PDE3A: variants seen among roughly 807,000 people sequenced by gnomAD.
PDE3A encodes cGMP-inhibited 3',5'-cyclic phosphodiesterase 3A.
Under a neutral mutation model 98.3 loss-of-function variants are expected in PDE3A, and 43 were observed. That is an observed-to-expected ratio of 0.44 (90% CI 0.34 to 0.56). The LOEUF is 0.56. Ranked by LOEUF, PDE3A falls within the 20% of genes least tolerant of loss-of-function variation. The pLI is 0.01. For missense variants in PDE3A, 1,427 were observed against 1,440.7 expected, an observed-to-expected ratio of 0.99 and a Z score of 0.15; for synonymous variants, 663 against 567.9, an observed-to-expected ratio of 1.17 and a Z score of -2.38.
chr12:20,533,832 G>A (rs1941683329), intron 1 of PDE3A, among the ~76,000 whole-genome samples: 1 of 151,990 alleles, frequency 6.6e-6, no homozygotes, highest in South Asian at 2.1e-4. Flanking sequence ...TCTGAACAAA[G>A]TAGTGACTAT....
intron 2 of PDE3A, among the ~76,000 whole-genome samples, chr12:20,568,984 C>A (rs1942728911): frequency 6.6e-6 from 1 of 151,846 alleles, no homozygotes; most frequent in Non-Finnish European, 1.5e-5. Flanking sequence ...TATTTTAATA[C>A]CACCTGGAAA....
At chr12:20,595,415 A>G (rs1943441460) in intron 2 of PDE3A, among the ~76,000 whole-genome samples, 1 of 152,156 alleles carries the variant, frequency 6.6e-6, no homozygotes, top group African/African-American at 2.4e-5. Context: ...ACAGAGAGTC[A>G]ATCATGATAG....
At chr12:20,672,997 T>G (rs1037494572) in intron 15 of PDE3A, among the ~76,000 whole-genome samples, 2 of 151,056 alleles carry the variant, frequency 1.3e-5, no homozygotes, top group Non-Finnish European at 3.0e-5. Flanking sequence ...TCATACAAAT[T>G]TACAAGAAAA....
intron 1 of PDE3A, among the ~76,000 whole-genome samples, chr12:20,518,043 A>G (rs1293101930): frequency 6.6e-6 from 1 of 152,198 alleles, no homozygotes; most frequent in Non-Finnish European, 1.5e-5. Context: ...CTCCTTGGCA[A>G]CAGCTATTCT....
intron 2 of PDE3A, among the ~76,000 whole-genome samples, chr12:20,570,974 A>G (rs1942790042): frequency 6.6e-6 from 1 of 152,172 alleles, no homozygotes; most frequent in South Asian, 2.1e-4. Context: ...AGTGTTTTAG[A>G]TGAAACTAGA....
intron 1 of PDE3A, among the ~76,000 whole-genome samples, chr12:20,399,664 A>T (rs1944083835): frequency 6.6e-6 from 1 of 152,220 alleles, no homozygotes; most frequent in Non-Finnish European, 1.5e-5. Flanking sequence ...AAATAACAAA[A>T]ATGTGGGCAT....
In PDE3A at chr12:20,514,614, C is replaced by A. The variant is rs371691493; in HGVS notation, c.961-42046C>A. Among the ~76,000 whole-genome samples the A allele has an allele frequency of 3.7e-4, 57 of 152,246 alleles. No individual in the cohort carries two copies. In the East Asian group the frequency reaches 9.6e-3, roughly 26 times the overall value. ...TTTAAACTTTCTGATTCTTAATTCC[C>A]AGGTCTATAATTGTTATACTTTAGC... On this transcript the variant is annotated intron_variant, in intron 1 of 15. Transcript: ENST00000359062.
intron 1 of PDE3A, among the ~76,000 whole-genome samples, chr12:20,467,216 G>T (rs1393827818): frequency 6.6e-6 from 1 of 151,900 alleles, no homozygotes; most frequent in Non-Finnish European, 1.5e-5. Context: ...TTGAGGAGAG[G>T]CAGATAGACT....
intron 1 of PDE3A, among the ~76,000 whole-genome samples, chr12:20,509,189 C>G (rs1946172640): frequency 1.3e-5 from 2 of 152,184 alleles, no homozygotes; most frequent in East Asian, 3.9e-4. Context: ...CTGCTTCTAT[C>G]CAGTAGGGCC....
chr12:20,598,327 C>T (rs1446287183), intron 2 of PDE3A, among the ~76,000 whole-genome samples: 1 of 151,966 alleles, frequency 6.6e-6, no homozygotes, highest in Non-Finnish European at 1.5e-5. Context: ...GGATTACAGG[C>T]TCCCACCACC....
chr12:20,447,451 A>C (rs755534018), intron 1 of PDE3A, among the ~76,000 whole-genome samples: 2 of 152,176 alleles, frequency 1.3e-5, no homozygotes, highest in East Asian at 3.9e-4. Context: ...CAACCTCTGC[A>C]GGGCTGAAGG....
At chr12:20,452,640 CT>C (rs1945086170) in intron 1 of PDE3A, among the ~76,000 whole-genome samples, 1 of 152,178 alleles carries the variant, frequency 6.6e-6, no homozygotes, top group Non-Finnish European at 1.5e-5. Context: ...ATCAGAGAAA[CT>C]TTTTTCCATC....
chr12:20,561,624 A>AT (rs1035899155), intron 2 of PDE3A, among the ~76,000 whole-genome samples: 12 of 150,172 alleles, frequency 8.0e-5, no homozygotes, highest in Admixed American at 4.6e-4. Context: ...GCAGCATCTA[A>AT]TTTTTTTTTT....
chr12:20,675,202 T>G (rs1179289695), intron 15 of PDE3A, among the ~76,000 whole-genome samples: 1 of 152,156 alleles, frequency 6.6e-6, no homozygotes, highest in Non-Finnish European at 1.5e-5. Flanking sequence ...TTTTTTAATT[T>G]TCATGTATTT....
At chr12:20,568,922 T>G (rs963351423) in intron 2 of PDE3A, among the ~76,000 whole-genome samples, 2 of 151,990 alleles carry the variant, frequency 1.3e-5, no homozygotes, top group Non-Finnish European at 2.9e-5. Context: ...AATTGGTTGA[T>G]TTTAATTTTT....
chr12:20,479,041 T>A (rs1945578536), intron 1 of PDE3A, among the ~76,000 whole-genome samples: 1 of 152,194 alleles, frequency 6.6e-6, no homozygotes, highest in African/African-American at 2.4e-5. Context: ...ATGGCCAGGC[T>A]TCTTATCTCT....
chr12:20,552,927 G>C lies in PDE3A; in HGVS notation c.961-3733G>C, dbSNP rs563817796. 1.9e-6 allele frequency: 3 copies of C among 1,578,798 alleles called. No individual in the cohort carries two copies. The highest frequency in any genetic ancestry group is 2.7e-5 in the African/African-American group (2 of 74,084). ...GCTGCCCTGCCTGCCGCTACGACCT[G>C]GGCCGCAGCTATGCCATGCAGGTGA... On this transcript the variant is annotated intron_variant, in intron 1 of 15. Coordinates refer to ENST00000359062, the MANE Select transcript of PDE3A (RefSeq NM_000921.5). The surrounding 1 kb of genome is among the most constrained non-coding windows in gnomAD (Gnocchi z 5.1).
intron 15 of PDE3A, among the ~76,000 whole-genome samples, chr12:20,660,745 G>A (rs1196304845): frequency 1.3e-5 from 2 of 152,158 alleles, no homozygotes; most frequent in African/African-American, 4.8e-5. Flanking sequence ...CTGTATGATT[G>A]TGAGGCTTCC....
At chr12:20,659,734 C>T (rs73238439) in intron 15 of PDE3A, among the ~76,000 whole-genome samples, 2,801 of 152,222 alleles carry the variant, frequency 0.018, 107 homozygotes, top group African/African-American at 0.065. Flanking sequence ...GCCACCATAG[C>T]CAGCATGAAC....
Sources: allele counts gnomAD v4.1 joint callset (sites outside exome capture counted in the v4.1 genomes callset), GRCh38; gene constraint gnomAD v4.1.1; non-coding constraint Gnocchi (gnomAD v3.1); transcripts MANE v1.5; gene names NCBI Gene and HGNC (gene_info 2026-07-23, HGNC 2026-07-21).